ANKS1B: variants seen among roughly 807,000 people sequenced by gnomAD.
ANKS1B encodes the protein ankyrin repeat and sterile alpha motif domain-containing protein 1B.
In ANKS1B, 36 loss-of-function variants were observed where a neutral mutation model predicts 148.3. The ratio of observed to expected loss-of-function variants is 0.24; its 90% CI spans 0.19 to 0.32. The LOEUF (loss-of-function observed/expected upper bound fraction) is 0.32, where lower values mean the gene tolerates loss of function less well. Among genes scored for constraint, ANKS1B ranks in the 10% least tolerant of loss-of-function variants. The pLI is 1.00. For missense variants in ANKS1B, 1,157 were observed against 1,542.6 expected, an observed-to-expected ratio of 0.75 and a Z score of 4.19; for synonymous variants, 542 against 560.8, an observed-to-expected ratio of 0.97 and a Z score of 0.47.
intron 12 of ANKS1B, among the ~76,000 whole-genome samples, chr12:99,351,144 G>A (rs2091373909): frequency 6.6e-6 from 1 of 152,044 alleles, no homozygotes; most frequent in African/African-American, 2.4e-5. Context: ...TGGGCAGCCA[G>A]TAAAGTCAGT....
At chr12:99,555,906 T>C (rs1051594479) in intron 9 of ANKS1B, among the ~76,000 whole-genome samples, 1 of 152,184 alleles carries the variant, frequency 6.6e-6, no homozygotes, top group East Asian at 1.9e-4. Flanking sequence ...TTTTTTGTTG[T>C]ATCTCTGCCA....
intron 12 of ANKS1B, among the ~76,000 whole-genome samples, chr12:99,293,302 G>A (rs1196507536): frequency 6.6e-6 from 1 of 151,312 alleles, no homozygotes; most frequent in Non-Finnish European, 1.5e-5. Context: ...ATTGAACAAC[G>A]AGAACACCTG....
At chr12:99,648,067 G>A in intron 9 of ANKS1B, 7 of 1,463,996 alleles carry the variant, frequency 4.8e-6, no homozygotes, top group South Asian at 2.8e-5. Context: ...TGCAGAACAC[G>A]ACTGCTGGCC....
intron 11 of ANKS1B, among the ~76,000 whole-genome samples, chr12:99,441,755 C>A (rs150866408): frequency 4.0e-5 from 6 of 151,754 alleles, no homozygotes; most frequent in Non-Finnish European, 8.8e-5. Context: ...ATTTAAGTAA[C>A]GACAGCACCA....
chr12:99,421,858 G>T (rs1484266846), intron 11 of ANKS1B, among the ~76,000 whole-genome samples: 4 of 152,106 alleles, frequency 2.6e-5, no homozygotes, highest in Non-Finnish European at 5.9e-5. Context: ...TTCATGTCTT[G>T]GTGCTGTCCT....
chr12:99,050,568 C>T (rs1006407011), intron 17 of ANKS1B, among the ~76,000 whole-genome samples: 2 of 152,060 alleles, frequency 1.3e-5, no homozygotes, highest in Admixed American at 1.3e-4. Flanking sequence ...GTCTAAGAGA[C>T]AGTGACTATG....
chr12:99,298,220 A>G (rs945715165), intron 12 of ANKS1B, among the ~76,000 whole-genome samples: 1 of 152,192 alleles, frequency 6.6e-6, no homozygotes, highest in Non-Finnish European at 1.5e-5. Flanking sequence ...CTACGTACCA[A>G]TGATATGGGC....
chr12:99,563,664 T>C (rs2097360360), intron 9 of ANKS1B, among the ~76,000 whole-genome samples: 1 of 152,032 alleles, frequency 6.6e-6, no homozygotes, highest in South Asian at 2.1e-4. Context: ...ATTAACAAAA[T>C]GGAACACAGA....
intron 11 of ANKS1B, among the ~76,000 whole-genome samples, chr12:99,428,838 G>A (rs1035924988): frequency 5.9e-5 from 9 of 152,096 alleles, no homozygotes; most frequent in African/African-American, 1.7e-4. Context: ...TCCACATCTA[G>A]GACTGGAAAA....
At chr12:99,616,252 G>A (rs937646899) in intron 9 of ANKS1B, among the ~76,000 whole-genome samples, 1 of 152,058 alleles carries the variant, frequency 6.6e-6, no homozygotes, top group Non-Finnish European at 1.5e-5. Flanking sequence ...TTCCCATCAA[G>A]CTACCATTGA....
intron 22 of ANKS1B, among the ~76,000 whole-genome samples, chr12:98,797,923 T>C (rs2098964697): frequency 6.6e-6 from 1 of 152,214 alleles, no homozygotes; most frequent in Non-Finnish European, 1.5e-5. Flanking sequence ...TTAGATGCTA[T>C]ATTGAACAAG....
intron 8 of ANKS1B, among the ~76,000 whole-genome samples, chr12:99,676,773 C>G (rs1468366626): frequency 6.6e-6 from 1 of 152,174 alleles, no homozygotes; most frequent in Non-Finnish European, 1.5e-5. Flanking sequence ...AAGTTTCATA[C>G]AGCTACTGTG....
intron 1 of ANKS1B, among the ~76,000 whole-genome samples, chr12:99,835,929 T>C (rs2084786888): frequency 6.6e-6 from 1 of 152,172 alleles, no homozygotes; most frequent in African/African-American, 2.4e-5. Context: ...TCCCAGAACT[T>C]AAAATATTAA....
intron 12 of ANKS1B, among the ~76,000 whole-genome samples, chr12:99,357,338 T>C (rs1314415994): frequency 6.6e-6 from 1 of 152,160 alleles, no homozygotes; most frequent in Non-Finnish European, 1.5e-5. Context: ...TTTAGCATTT[T>C]AAATAATACA....
chr12:98,819,800 G>T (rs1269966166), intron 19 of ANKS1B, among the ~76,000 whole-genome samples: 1 of 152,146 alleles, frequency 6.6e-6, no homozygotes, highest in African/African-American at 2.4e-5. Context: ...CTGCACAGAA[G>T]AATCTTCTAG....
chr12:99,193,770 A>C (rs914350826), intron 14 of ANKS1B, among the ~76,000 whole-genome samples: 1 of 146,656 alleles, frequency 6.8e-6, no homozygotes, highest in Non-Finnish European at 1.5e-5. Context: ...GTAAGAAGAC[A>C]GATTTTCCAT....
intron 15 of ANKS1B, among the ~76,000 whole-genome samples, chr12:99,142,906 C>G (rs1192731451): frequency 6.6e-6 from 1 of 152,020 alleles, no homozygotes; most frequent in African/African-American, 2.4e-5. Flanking sequence ...TTGTCTTAGG[C>G]TAACAGATAA....
chr12:98,909,162 G>C (rs1224189003), intron 17 of ANKS1B, among the ~76,000 whole-genome samples: 1 of 152,086 alleles, frequency 6.6e-6, no homozygotes, highest in Non-Finnish European at 1.5e-5. Flanking sequence ...TTTCTGGAGG[G>C]TATAACAGCA....
intron 1 of ANKS1B, among the ~76,000 whole-genome samples, chr12:99,864,729 T>C (rs1388948782): frequency 2.0e-5 from 3 of 152,196 alleles, no homozygotes; most frequent in African/African-American, 4.8e-5. Flanking sequence ...TAATAACATC[T>C]ACCTTGGAAA....
Sources: allele counts gnomAD v4.1 joint callset (sites outside exome capture counted in the v4.1 genomes callset), GRCh38; gene constraint gnomAD v4.1.1; transcripts MANE v1.5; gene names NCBI Gene and HGNC (gene_info 2026-07-23, HGNC 2026-07-21).